Variants in CEP128 observed in about 807,000 individuals in gnomAD.
CEP128 encodes centrosomal protein 128.
Under a neutral mutation model 156.7 loss-of-function variants are expected in CEP128, and 132 were observed. The observed-to-expected ratio is 0.84, with a 90% CI of 0.73 to 0.97. The LOEUF is 0.97. Among genes scored for constraint, CEP128 ranks in the 50% least tolerant of loss-of-function variants. The pLI is 0.00. For missense variants in CEP128, 1,252 were observed against 1,281.9 expected, an observed-to-expected ratio of 0.98 and a Z score of 0.36; for synonymous variants, 469 against 448.9, an observed-to-expected ratio of 1.04 and a Z score of -0.57.
chr14:80,859,315 C>T (rs1379279769), intron 9 of CEP128, among the ~76,000 whole-genome samples: 2 of 147,766 alleles, frequency 1.4e-5, no homozygotes, highest in Admixed American at 1.4e-4. Context: ...CCAAACACCA[C>T]ATATTCTCAC....
chr14:80,845,640 T>C (rs1435789987), intron 9 of CEP128, among the ~76,000 whole-genome samples: 2 of 152,210 alleles, frequency 1.3e-5, no homozygotes, highest in African/African-American at 2.4e-5. Context: ...TCTGTAAATA[T>C]ACAACATCTT....
rs749912584 is a variant in CEP128, at chr14:80,793,084, C to T, written c.1236G>A (p.Gly412=). The T allele has an allele frequency of 1.2e-6, 2 of 1,612,674 alleles. No homozygotes were observed. The highest frequency in any genetic ancestry group is 2.2e-5 in the South Asian group (2 of 91,072). Residue 412 remains glycine, a synonymous_variant, in exon 14 of 25, where the codon GGG becomes GGA. Coordinates refer to ENST00000555265, the MANE Select transcript of CEP128 (RefSeq NM_152446.5). The part of the protein sequence containing the change: ...VENLTRELEN[G]EKQQLQMLDR... ...CCAACATCTGCAGTTGCTGTTTTTC[C>T]CCATTCTCCAGTTCACGTGTTAAAT...
chr14:80,734,349 G>T (rs1402368717), intron 19 of CEP128, among the ~76,000 whole-genome samples: 1 of 151,844 alleles, frequency 6.6e-6, no homozygotes, highest in Non-Finnish European at 1.5e-5. Flanking sequence ...GGAGGAAGGG[G>T]CCCACAAAAG....
chr14:80,683,339 G>A (rs1374922975), intron 19 of CEP128, among the ~76,000 whole-genome samples: 2 of 152,074 alleles, frequency 1.3e-5, no homozygotes, highest in Non-Finnish European at 2.9e-5. Context: ...AGATGAAAGA[G>A]ACTTTAAACC....
intron 9 of CEP128, among the ~76,000 whole-genome samples, chr14:80,851,380 G>T (rs1886879980): frequency 6.6e-6 from 1 of 152,132 alleles, no homozygotes; most frequent in South Asian, 2.1e-4. Context: ...AGGCGAGGAG[G>T]AACGGGAAAG....
At chr14:80,928,321 T>C (rs1885263147) in intron 2 of CEP128, among the ~76,000 whole-genome samples, 1 of 151,940 alleles carries the variant, frequency 6.6e-6, no homozygotes, top group Non-Finnish European at 1.5e-5. Flanking sequence ...GATAAAAAAT[T>C]CAAAAGGTTG....
chr14:80,527,152 C>A lies in CEP128; in HGVS notation c.2959-170G>T. ...CCACCATAGAGAAAGAAGAAGGCTA[C>A]ACACAGTGGCTCAAACCTGTAATCC... On this transcript the variant is annotated intron_variant, in intron 22 of 24. Coordinates refer to ENST00000555265, the MANE Select transcript of CEP128 (RefSeq NM_152446.5). The A allele has an allele frequency of 5.4e-6, 3 of 559,078 alleles. No individual in the cohort carries two copies. The East Asian group carries it at 9.4e-5, about 18-fold the overall frequency. 34.6% of individuals were successfully genotyped at this position (559,078 alleles called of 1,614,324 possible).
chr14:80,885,081 T>C (rs1888732494), intron 8 of CEP128, among the ~76,000 whole-genome samples: 1 of 152,130 alleles, frequency 6.6e-6, no homozygotes, highest in Non-Finnish European at 1.5e-5. Flanking sequence ...TCTAGATTCC[T>C]CCTCACTGGG....
chr14:80,736,043 G>C (rs1896886040), intron 19 of CEP128, among the ~76,000 whole-genome samples: 1 of 152,112 alleles, frequency 6.6e-6, no homozygotes, highest in Non-Finnish European at 1.5e-5. Flanking sequence ...ATCCAACCCT[G>C]TTAGGTTGTG....
At chr14:80,772,942 G>A (rs1188780291) in intron 16 of CEP128, among the ~76,000 whole-genome samples, 1 of 152,256 alleles carries the variant, frequency 6.6e-6, no homozygotes, top group East Asian at 1.9e-4. Context: ...AACTCCTGAC[G>A]AACTTGCAAC....
chr14:80,743,730 G>C (rs1248529481), intron 18 of CEP128, among the ~76,000 whole-genome samples: 2 of 152,168 alleles, frequency 1.3e-5, no homozygotes, highest in East Asian at 1.9e-4. Flanking sequence ...AATTAGGCAT[G>C]AGGAGAGATT....
intron 19 of CEP128, among the ~76,000 whole-genome samples, chr14:80,609,944 A>T (rs1401646295): frequency 6.6e-6 from 1 of 152,072 alleles, no homozygotes; most frequent in East Asian, 1.9e-4. Context: ...CCCATCTCTC[A>T]GGTACCCTCA....
rs377356633 is a variant in CEP128 at position 80,947,051 on chromosome 14, T to C, written c.-171-7511A>G. 7.9e-5 allele frequency among the ~76,000 whole-genome samples: 12 copies of C among 152,264 alleles called. No homozygotes were observed. In the South Asian group the frequency reaches 2.5e-3, roughly 32 times the overall value. On this transcript the variant is annotated intron_variant, in intron 2 of 7. Transcript: ENST00000555529. Reference sequence around the variant, plus strand: ...CTCACCCTTCAAAGCACCATGATTGTAAGTTTCCTGAGGCCTCCCTAACCG... The same window carrying C: ...CTCACCCTTCAAAGCACCATGATTGCAAGTTTCCTGAGGCCTCCCTAACCG...
intron 8 of CEP128, among the ~76,000 whole-genome samples, chr14:80,863,781 T>C (rs1887634469): frequency 6.6e-6 from 1 of 152,194 alleles, no homozygotes; most frequent in African/African-American, 2.4e-5. Context: ...GTAAATGTTC[T>C]AAAGTGAATT....
intron 12 of CEP128, among the ~76,000 whole-genome samples, chr14:80,834,259 A>T (rs1885960044): frequency 6.6e-6 from 1 of 152,196 alleles, no homozygotes; most frequent in Non-Finnish European, 1.5e-5. Context: ...AGACAGAAGA[A>T]TTAGGAAAGG....
chr14:80,813,357 T>G (rs1180722534), intron 13 of CEP128, among the ~76,000 whole-genome samples: 1 of 152,198 alleles, frequency 6.6e-6, no homozygotes, highest in Non-Finnish European at 1.5e-5. Context: ...ATTTTACATT[T>G]AAGTCCTTAA....
intron 8 of CEP128, among the ~76,000 whole-genome samples, chr14:80,884,297 G>C (rs1468456128): frequency 6.6e-6 from 1 of 152,164 alleles, no homozygotes; most frequent in Non-Finnish European, 1.5e-5. Context: ...AGACGACCCA[G>C]AAAATGACAG....
At chr14:80,947,285 A>G (rs1395129052) in intron 2 of CEP128, among the ~76,000 whole-genome samples, 3 of 151,922 alleles carry the variant, frequency 2.0e-5, no homozygotes, top group Non-Finnish European at 2.9e-5. Context: ...CCTTATCTCC[A>G]TTTCTGTCAG....
At chr14:80,911,204 A>G (rs1354516693) in intron 4 of CEP128, among the ~76,000 whole-genome samples, 1 of 152,246 alleles carries the variant, frequency 6.6e-6, no homozygotes, top group Non-Finnish European at 1.5e-5. Flanking sequence ...ATCATTTAAA[A>G]CATTATAATT....
Sources: gnomAD v4.1 joint callset for allele counts (sites outside exome capture counted in the v4.1 genomes callset) on GRCh38, gnomAD v4.1.1 for gene constraint, MANE v1.5 for transcripts, NCBI Gene and HGNC (gene_info 2026-07-23, HGNC 2026-07-21) for gene names.